PRXL2C: variants seen among roughly 807,000 people sequenced by gnomAD.
PRXL2C encodes the protein peroxiredoxin-like 2C.
PRXL2C carries 38 observed loss-of-function variants against 24.9 expected under a neutral mutation model. The observed-to-expected ratio is 1.53, with a 90% CI of 1.18 to 2.00. The LOEUF is 2.00. Ranked by LOEUF, PRXL2C falls within the 30% of genes most tolerant of loss-of-function variation. The pLI is 0.00. For synonymous variants in PRXL2C, 98 were observed against 117.2 expected, an observed-to-expected ratio of 0.84 and a Z score of 1.06; for missense variants, 294 against 290.9, an observed-to-expected ratio of 1.01 and a Z score of -0.08.
chr9:96,644,004 G>A (rs1848156392), intron 5 of PRXL2C, among the ~76,000 whole-genome samples: 1 of 151,762 alleles, frequency 6.6e-6, no homozygotes, highest in Non-Finnish European at 1.5e-5. Flanking sequence ...GTGGTGGCAG[G>A]CGCCTGTAGT....
In PRXL2C at chr9:96,646,022, G is replaced by A. The variant is rs766545050; in HGVS notation, c.424C>T (p.Gln142Ter). 12 of 1,595,714 alleles carry A rather than the reference G, an allele frequency of 7.5e-6. No individual in the cohort carries two copies. Among genetic ancestry groups the A allele is most frequent in the Non-Finnish European group, 1.0e-5 (12 of 1,174,014 alleles). ...KRGEEIASSG[Q>*]SPHIKSNLLS... The stretch of plus-strand genomic sequence containing the variant: ...AGATTTGATTTTATGTGGGGGCTCT[G>A]TCCTGAAATGTCGAAAATTGTCTTT... The change falls in exon 5 of 6, where the codon CAG becomes TAG. Residue 142 changes from glutamine to a stop codon, truncating the protein, a stop_gained and splice_region_variant. Coordinates refer to ENST00000375234, the MANE Select transcript of PRXL2C (RefSeq NM_153698.2). LOFTEE classifies it high-confidence loss of function.
At chr9:96,645,719 C>A (rs1016232008) in intron 5 of PRXL2C, among the ~76,000 whole-genome samples, 174 bp downstream of exon 5, 1 of 151,394 alleles carries the variant, frequency 6.6e-6, no homozygotes, top group African/African-American at 2.4e-5. Flanking sequence ...ATGGCGTGAA[C>A]CCGGGAGGCA....
chr9:96,654,613 C>G (rs1848322702), intron 2 of PRXL2C, 92 bp downstream of exon 2: 1 of 1,187,042 alleles, frequency 8.4e-7, no homozygotes, highest in African/African-American at 1.5e-5. Context: ...GCAATCCAGG[C>G]TGCAAGTTCC....
intron 2 of PRXL2C, among the ~76,000 whole-genome samples, chr9:96,653,800 T>C (rs954267262): frequency 6.6e-6 from 1 of 151,986 alleles, no homozygotes. Context: ...TTCTCTATAT[T>C]CTCCCCAAAG....
At chr9:96,647,405 A>C (rs995142866) in intron 4 of PRXL2C, among the ~76,000 whole-genome samples, 3 of 152,096 alleles carry the variant, frequency 2.0e-5, no homozygotes, top group Non-Finnish European at 4.4e-5. Flanking sequence ...AACACCTATT[A>C]TTTCTCCTCA....
intron 5 of PRXL2C, among the ~76,000 whole-genome samples, chr9:96,644,290 G>A (rs1001406475): frequency 6.6e-6 from 1 of 152,126 alleles, no homozygotes; most frequent in African/African-American, 2.4e-5. Context: ...TCTGATAAGG[G>A]TGTTTGTCCT....
At position 96,651,428 on chromosome 9, in the gene PRXL2C, C is replaced by A; in HGVS notation, c.383G>T (p.Arg128Ile). 1 of 1,613,226 alleles carries A rather than the reference C, an allele frequency of 6.2e-7. No individual in the cohort carries two copies. Among genetic ancestry groups the A allele is most frequent in the East Asian group, 2.2e-5 (1 of 44,848 alleles). ...YVDPEREIYK[R>I]LGMKRGEEIA... ...TTCTTCACCTCTTTTCATTCCCAAT[C>A]TTTTATAAATTTCTCTCTCAGGATC... Residue 128 changes from arginine to isoleucine, a missense_variant, in exon 4 of 6, where the codon AGA becomes ATA. Physicochemically the swap from Arg to Ile is moderately conservative, Grantham distance 97 (BLOSUM62 -3). Transcript: ENST00000375234.
At position 96,651,664 on chromosome 9, in the gene PRXL2C, T is replaced by C. The variant is rs530630873; in HGVS notation, c.310A>G (p.Ile104Val). The C allele has an allele frequency of 2.5e-6, 4 of 1,609,132 alleles. No individual in the cohort carries two copies. The African/African-American group carries it at 4.0e-5, about 16-fold the overall frequency. Residue 104 changes from isoleucine to valine, a missense_variant, in exon 3 of 6, where the codon ATT (isoleucine) becomes GTT (valine). Coordinates refer to ENST00000375234, the MANE Select transcript of PRXL2C (RefSeq NM_153698.2). ...CCAATGTACTAGATATTTACCTCAATATGATGGTAGGATGACTGTCCAATC... is the reference window on the plus strand; with the variant it reads ...CCAATGTACTAGATATTTACCTCAACATGATGGTAGGATGACTGTCCAATC... ...IVIGQSSYHH[I>V]EPFCKLTGYS...
chr9:96,639,666 T>C lies in PRXL2C; in HGVS notation c.*2093A>G, dbSNP rs1171418353. The C allele has an allele frequency of 6.6e-6, 1 of 152,246 alleles. No individual in the cohort carries two copies. The highest frequency in any genetic ancestry group is 1.5e-5 in the Non-Finnish European group (1 of 68,046). 9.4% of individuals were successfully genotyped at this position (152,246 alleles called of 1,614,324 possible). A position where few individuals can be genotyped will look rare whatever the true frequency, so the allele number is the denominator to read the frequency against. ...TATTTGAATACATTAGTTTTTTTTG[T>C]AACTTTATATGCTTCATATAAAAGT... On this transcript the variant is annotated 3_prime_UTR_variant, in exon 6 of 6. Coordinates refer to ENST00000375234, the MANE Select transcript of PRXL2C (RefSeq NM_153698.2).
rs573077302 is a variant in PRXL2C at position 96,646,938 on chromosome 9, G to C, written c.422-914C>G. ...CCCAAGTGGCTGGGATTACAGGCAT[G>C]TGCCACCACGCCCGGCTAGTTTTCT... is the stretch of plus-strand genomic sequence containing the variant. On this transcript the variant is annotated intron_variant, in intron 4 of 5. Transcript: ENST00000375234. Among the ~76,000 whole-genome samples the C allele has an allele frequency of 3.9e-5, 6 of 152,230 alleles. No homozygotes were observed. The East Asian group carries it at 9.7e-4, about 25-fold the overall frequency.
chr9:96,649,343 T>A (rs980635638), intron 4 of PRXL2C, among the ~76,000 whole-genome samples: 6 of 149,518 alleles, frequency 4.0e-5, no homozygotes, highest in Non-Finnish European at 7.4e-5. Context: ...GGTGGGTGGA[T>A]CACCTGAGGT....
Position 96,644,881 on chromosome 9 carries a change from C to CTTTTTTTTTT in PRXL2C, c.553+1002_553+1011dup, listed in dbSNP as rs530343244. Reference sequence around the variant, plus strand: ...TTAGGTATAAATAACTACATGGATTCTTTTTTTTTTTTTTTTTTTTTTTTT... The same window carrying CTTTTTTTTTT: ...TTAGGTATAAATAACTACATGGATTCTTTTTTTTTTTTTTTTTTTTTTTTTTTTTTTTTTT... On this transcript the variant is annotated intron_variant, in intron 5 of 5. Coordinates refer to ENST00000375234, the MANE Select transcript of PRXL2C (RefSeq NM_153698.2). Among the ~76,000 whole-genome samples, 26 of 36,694 alleles carry CTTTTTTTTTT rather than the reference C, an allele frequency of 7.1e-4. 7 individuals carry two copies. The highest frequency in any genetic ancestry group is 1.2e-3 in the Non-Finnish European group (18 of 15,320). The allele number at this position is 36,694 out of a possible 152,430, so 24.1% of individuals were successfully genotyped here.
chr9:96,651,618 CAG>C, intron 3 of PRXL2C, 39 bp downstream of exon 3: 1 of 1,577,282 alleles, frequency 6.3e-7, no homozygotes, highest in Non-Finnish European at 8.7e-7. Flanking sequence ...ATGTCTGAAA[CAG>C]ATTTTATTCA....
rs770320675 is a variant in PRXL2C, at chr9:96,645,938, G to C, written c.508C>G (p.Gln170Glu). ...RAVTGPLFDFQGDPAQQGGTL... is the reference protein window; with the variant it reads ...RAVTGPLFDFEGDPAQQGGTL... ...CCACCTTGCTGAGCTGGGTCTCCTT[G>C]AAAATCAAAGAGAGGGCCAGTCACT... Residue 170 changes from glutamine (Q) to glutamate (E), a missense_variant, in exon 5 of 6, where the codon CAA (glutamine) becomes GAA (glutamate). By Grantham distance (29) the Gln-to-Glu change is conservative. Transcript: ENST00000375234. 2 of 1,613,448 alleles carry C rather than the reference G, an allele frequency of 1.2e-6. No homozygotes were observed. Among genetic ancestry groups the C allele is most frequent in the African/African-American group, 2.7e-5 (2 of 74,856 alleles).
At chr9:96,651,768 C>T in intron 2 of PRXL2C, 56 bp from the exon 3 acceptor site, 1 of 1,453,308 alleles carries the variant, frequency 6.9e-7, no homozygotes, top group Non-Finnish European at 9.5e-7. Context: ...ATGTTTTATA[C>T]AACATCCCTT....
Position 96,645,926 on chromosome 9 carries a change from C to G in PRXL2C, c.520G>C (p.Ala174Pro). Residue 174 changes from alanine to proline, a missense_variant, in exon 5 of 6, where the codon GCT (alanine) becomes CCT (proline). By Grantham distance (27) the Ala-to-Pro change is conservative. Transcript: ENST00000375234. ...AAAATGAGGGTTCCACCTTGCTGAGCTGGGTCTCCTTGAAAATCAAAGAGA... is the reference window on the plus strand; with the variant it reads ...AAAATGAGGGTTCCACCTTGCTGAGGTGGGTCTCCTTGAAAATCAAAGAGA... ...GPLFDFQGDPAQQGGTLILGP... is the reference protein window; with the variant it reads ...GPLFDFQGDPPQQGGTLILGP... The G allele has an allele frequency of 6.2e-7, 1 of 1,613,410 alleles. No homozygotes were observed. The highest frequency in any genetic ancestry group is 8.5e-7 in the Non-Finnish European group (1 of 1,179,878).
At position 96,651,482 on chromosome 9, in the gene PRXL2C, A is replaced by C; in HGVS notation, c.329T>G (p.Leu110Arg). The C allele has an allele frequency of 6.2e-7, 1 of 1,610,408 alleles. No homozygotes were observed. Residue 110 changes from leucine to arginine, a missense_variant, in exon 4 of 6, where the codon CTG (leucine) becomes CGG (arginine). Leu to Arg is a moderately radical substitution (Grantham distance 102, BLOSUM62 -2). Transcript: ENST00000375234. ...SYHHIEPFCK[L>R]TGYSHEIYVD... ...ATAGATTTCATGAGAATATCCAGTCAGCTTGCAAAAAGGCTGAAAAGAGAG... is the reference window on the plus strand; with the variant it reads ...ATAGATTTCATGAGAATATCCAGTCCGCTTGCAAAAAGGCTGAAAAGAGAG...
At position 96,641,009 on chromosome 9, in the gene PRXL2C, G is replaced by A. The variant is rs1848107110; in HGVS notation, c.*750C>T. The A allele has an allele frequency of 6.6e-6, 1 of 152,084 alleles. No individual in the cohort carries two copies. Among genetic ancestry groups the A allele is most frequent in the South Asian group, 2.1e-4 (1 of 4,820 alleles). 9.4% of individuals were successfully genotyped at this position (152,084 alleles called of 1,614,324 possible). On this transcript the variant is annotated 3_prime_UTR_variant, in exon 6 of 6. Transcript: ENST00000375234. ...GTTTGAGAAGGTGCTGTGGACACTG[G>A]CTATATGTGAAATGTTCGGATTGCC...
At chr9:96,654,633 C>A in intron 2 of PRXL2C, 72 bp downstream of exon 2, 1 of 1,420,216 alleles carries the variant, frequency 7.0e-7, no homozygotes, top group African/African-American at 1.4e-5. Context: ...CGCGCTGGAG[C>A]CGCGTCCTCC....
Sources: allele counts gnomAD v4.1 joint callset (sites outside exome capture counted in the v4.1 genomes callset), GRCh38; gene constraint gnomAD v4.1.1; transcripts MANE v1.5; gene names NCBI Gene and HGNC (gene_info 2026-07-23, HGNC 2026-07-21).